The following COMMD5 variants were observed in gnomAD, a reference collection of about 807,000 sequenced individuals.
The protein encoded by COMMD5 is COMM domain-containing protein 5.
A neutral mutation model predicts 6.9 loss-of-function variants in COMMD5; 10 were observed. The ratio of observed to expected loss-of-function variants is 1.44; its 90% CI spans 0.89 to 2.45. The LOEUF (loss-of-function observed/expected upper bound fraction) is 2.45. COMMD5 is among the 30% of genes most tolerant of loss of function. The probability of loss-of-function intolerance (pLI) is 0.00; values close to 1 mark genes in which losing one functional copy is unlikely to be tolerated. For synonymous variants in COMMD5, 127 were observed against 125.3 expected (o/e 1.01, Z -0.09); for missense variants, 234 against 287.8 (o/e 0.81, Z 1.35).
exon 2 of COMMD5, chr8:144,841,443 C>A (rs548509717): frequency 6.2e-7 from 1 of 1,614,210 alleles, no homozygotes; most frequent in South Asian, 1.1e-5. Context: ...TCAGAATCTC[C>A]CCACAGGACT....
rs777723168 is a variant in COMMD5, at chr8:144,841,594, T to C, written c.*266A>G. 12 of 1,614,024 alleles carry C rather than the reference T, an allele frequency of 7.4e-6. No homozygotes were observed. The African/African-American group carries it at 1.2e-4, about 16-fold the overall frequency. ...TGAGGAGACTGTGGTTCCCAAGACC[T>C]TCACCAAGGACGCACCCCAGGGATG... On this transcript the variant is annotated 3_prime_UTR_variant and NMD_transcript_variant, in exon 2 of 2. Coordinates refer to the COMMD5 transcript ENST00000530332.
rs766545378 is a variant in COMMD5, at chr8:144,842,206, T to A, written c.*117-463A>T. On this transcript the variant is annotated intron_variant and NMD_transcript_variant, in intron 1 of 1. Coordinates refer to the COMMD5 transcript ENST00000530332. ...GGAGAGGCCCTACCCTTGCAAGGAG[T>A]GTGGGAAGGCCTTCAGCCAGAGCTC... 4.3e-6 allele frequency: 7 copies of A among 1,613,560 alleles called. No homozygotes were observed. The highest frequency in any genetic ancestry group is 1.7e-4 in the Middle Eastern group (1 of 6,060).
chr8:144,840,948 C>T (rs903301629), downstream of COMMD5: 5 of 177,314 alleles, frequency 2.8e-5, no homozygotes, highest in Non-Finnish European at 6.0e-5. Context: ...CCATTCAGAA[C>T]TCAGACCCTG....
downstream of COMMD5, among the ~76,000 whole-genome samples, chr8:144,845,526 A>G (rs1296954321): frequency 1.3e-5 from 2 of 152,114 alleles, no homozygotes; most frequent in African/African-American, 4.8e-5. Flanking sequence ...TTTTGCTGAA[A>G]TTGAATTTTC....
At chr8:144,841,799 A>G (rs61254094) in intron 1 of COMMD5, 2 of 1,614,254 alleles carry the variant, frequency 1.2e-6, no homozygotes, top group African/African-American at 1.3e-5. Flanking sequence ...TGCCAAAAAA[A>G]GTTATCTGAC....
At chr8:144,839,304 G>T (rs1352211390), downstream of COMMD5, among the ~76,000 whole-genome samples, 1 of 152,266 alleles carries the variant, frequency 6.6e-6, no homozygotes, top group East Asian at 1.9e-4. Flanking sequence ...GGGCCTTGCA[G>T]CCGCCCAGGA....
chr8:144,842,309 T>C (rs1405938947), intron 1 of COMMD5: 1 of 1,613,994 alleles, frequency 6.2e-7, no homozygotes. Context: ...CCAAGCCTTG[T>C]TGCACATCAG....
downstream of COMMD5, among the ~76,000 whole-genome samples, chr8:144,847,969 A>G (rs1352406393): frequency 6.6e-6 from 1 of 152,190 alleles, no homozygotes. Flanking sequence ...GGAGGGGTCC[A>G]GTGGGCTCAT....
downstream of COMMD5, among the ~76,000 whole-genome samples, chr8:144,848,032 A>T (rs1294625520): frequency 6.6e-6 from 1 of 152,172 alleles, no homozygotes; most frequent in Non-Finnish European, 1.5e-5. Context: ...ATGGAAAAAA[A>T]TACTTTGTGA....
downstream of COMMD5, among the ~76,000 whole-genome samples, chr8:144,840,391 A>G (rs1435669137): frequency 6.6e-6 from 1 of 152,208 alleles, no homozygotes; most frequent in Non-Finnish European, 1.5e-5. Context: ...CGAAGCTTGA[A>G]GCCCTGTAAC....
downstream of COMMD5, among the ~76,000 whole-genome samples, chr8:144,839,828 G>T (rs1829628348): frequency 6.6e-6 from 1 of 152,248 alleles, no homozygotes; most frequent in South Asian, 2.1e-4. Context: ...CCAGGTCCCA[G>T]CTGTGCACCC....
chr8:144,838,033 G>T (rs148798608), downstream of COMMD5: 4 of 696,418 alleles, frequency 5.7e-6, no homozygotes, highest in Admixed American at 4.0e-5. Context: ...ATCTGAAACC[G>T]GGGGGTCAGC....
In COMMD5 at chr8:144,850,436, A is replaced by G. The variant is rs1016332260; in HGVS notation, c.*228T>C. On this transcript the variant is annotated 3_prime_UTR_variant, in exon 2 of 2. Coordinates refer to ENST00000305103, the MANE Select transcript of COMMD5 (RefSeq NM_014066.4). This position sits in a 1 kb window ranked among gnomAD's most constrained non-coding sequence, Gnocchi z 4.0. Reference sequence around the variant, plus strand: ...AGGGAAGGGGAGGGTGTGAGGTCCAACACTCACCTATAGAAACATGTTTTT... The same window carrying G: ...AGGGAAGGGGAGGGTGTGAGGTCCAGCACTCACCTATAGAAACATGTTTTT... The G allele has an allele frequency of 1.8e-6, 1 of 551,654 alleles. No individual in the cohort carries two copies. The highest frequency in any genetic ancestry group is 3.2e-6 in the Non-Finnish European group (1 of 315,840). The allele number at this position is 551,654 out of a possible 1,614,324, so 34.2% of individuals were successfully genotyped here.
chr8:144,847,547 C>T (rs1296637263), downstream of COMMD5: 4 of 152,196 alleles, frequency 2.6e-5, no homozygotes, highest in Non-Finnish European at 5.9e-5. Context: ...TCAGAATAAT[C>T]TTTCATTTAT....
rs757873303 is a variant in COMMD5 at position 144,842,009 on chromosome 8, C to T, written c.*117-266G>A. ...CTTATTCAGCATCAAAGAATCCACA[C>T]TGGGGAGAAGCCCTACAGATGTGAG... is the stretch of plus-strand genomic sequence containing the variant. On this transcript the variant is annotated intron_variant and NMD_transcript_variant, in intron 1 of 1. Transcript: ENST00000530332. 5.0e-6 allele frequency: 8 copies of T among 1,614,236 alleles called. No homozygotes were observed. In the South Asian group the frequency reaches 8.8e-5, roughly 18 times the overall value.
chr8:144,850,479 A>C lies in COMMD5; in HGVS notation c.*185T>G. 1.4e-6 allele frequency: 1 copy of C among 696,842 alleles called. No individual in the cohort carries two copies. The highest frequency in any genetic ancestry group is 2.3e-6 in the Non-Finnish European group (1 of 432,852). 43.2% of individuals were successfully genotyped at this position (696,842 alleles called of 1,614,324 possible). On this transcript the variant is annotated 3_prime_UTR_variant, in exon 2 of 2. Transcript: ENST00000305103. The surrounding 1 kb of genome is among the most constrained non-coding windows in gnomAD (Gnocchi z 4.0). ...ATGTTTTTAGCTGCTTTACTTCCAA[A>C]AAGAAAAAAAGGCATAGCTCTCTTT...
intron 1 of COMMD5, chr8:144,841,782 T>G: frequency 6.2e-7 from 1 of 1,614,098 alleles, no homozygotes; most frequent in Non-Finnish European, 8.5e-7. Context: ...TTAGCAGATG[T>G]CAAGAATGCC....
At chr8:144,841,952 A>T (rs770747798) in intron 1 of COMMD5, 4 of 1,614,112 alleles carry the variant, frequency 2.5e-6, no homozygotes, top group African/African-American at 2.7e-5. Flanking sequence ...AAATGCACTG[A>T]GTGTGGAAAA....
downstream of COMMD5, among the ~76,000 whole-genome samples, chr8:144,849,290 CAGTG>C (rs1233955397): frequency 2.6e-5 from 4 of 152,284 alleles, no homozygotes; most frequent in East Asian, 3.9e-4. Flanking sequence ...ACCTGGAACT[CAGTG>C]AGGGTGGGAC....
Sources: gnomAD v4.1 joint callset for allele counts (sites outside exome capture counted in the v4.1 genomes callset) on GRCh38, gnomAD v4.1.1 for gene constraint, Gnocchi (gnomAD v3.1) non-coding constraint, MANE v1.5 for transcripts, NCBI Gene and HGNC (gene_info 2026-07-23, HGNC 2026-07-21) for gene names.